The following GIMAP8 variants were observed in gnomAD, a reference collection of about 807,000 sequenced individuals.
GIMAP8 encodes GTPase IMAP family member 8.
In GIMAP8, 29 loss-of-function variants were observed where a neutral mutation model predicts 35.6. That is an observed-to-expected ratio of 0.81 (90% CI 0.61 to 1.11). GIMAP8 has a LOEUF of 1.11. Among genes scored for constraint, GIMAP8 ranks in the 50% most tolerant of loss-of-function variants. The pLI, the probability that GIMAP8 is intolerant of heterozygous loss-of-function variation, is 0.00. For missense variants in GIMAP8, 811 were observed against 805.0 expected (o/e 1.01, Z -0.09); for synonymous variants, 335 against 308.7 (o/e 1.09, Z -0.89).
At position 150,466,675 on chromosome 7, in the gene GIMAP8, A is replaced by G; in HGVS notation, c.-24A>G. ...TGTTGTTTTCTGTCCCAACAGAACA[A>G]GCGGGAGCCTGTGTCAGGAAAGCAT... On this transcript the variant is annotated 5_prime_UTR_variant, in exon 2 of 5. Coordinates refer to ENST00000307271, the MANE Select transcript of GIMAP8 (RefSeq NM_175571.4). 1 of 1,609,860 alleles carries G rather than the reference A, an allele frequency of 6.2e-7. No homozygotes were observed. Among genetic ancestry groups the G allele is most frequent in the Non-Finnish European group, 8.5e-7 (1 of 1,177,856 alleles).
chr7:150,452,750 C>T (rs1204716501), intron 1 of GIMAP8, among the ~76,000 whole-genome samples: 2 of 139,386 alleles, frequency 1.4e-5, no homozygotes, highest in African/African-American at 5.4e-5. Flanking sequence ...CCATGCCTGG[C>T]TAATTTTTGT....
intron 1 of GIMAP8, among the ~76,000 whole-genome samples, chr7:150,459,545 A>G (rs967913151): frequency 1.3e-5 from 2 of 152,134 alleles, no homozygotes; most frequent in African/African-American, 4.8e-5. Flanking sequence ...TATGGGAGAA[A>G]CAGCATCATA....
chr7:150,455,030 C>G (rs768775241), intron 1 of GIMAP8, among the ~76,000 whole-genome samples: 3 of 151,152 alleles, frequency 2.0e-5, no homozygotes, highest in African/African-American at 7.3e-5. Flanking sequence ...CCCAGCTACT[C>G]GGGAGGCTGA....
chr7:150,454,415 C>G (rs1370545565), intron 1 of GIMAP8, among the ~76,000 whole-genome samples: 2 of 152,150 alleles, frequency 1.3e-5, no homozygotes, highest in African/African-American at 4.8e-5. Flanking sequence ...CAAAGAGGAG[C>G]TGATGACCAG....
At chr7:150,454,532 C>T (rs1280945754) in intron 1 of GIMAP8, among the ~76,000 whole-genome samples, 1 of 152,046 alleles carries the variant, frequency 6.6e-6, no homozygotes, top group African/African-American at 2.4e-5. Flanking sequence ...GGATGGGGTG[C>T]AGGCAAGGGT....
At chr7:150,457,033 G>C (rs558792833) in intron 1 of GIMAP8, among the ~76,000 whole-genome samples, 4 of 152,372 alleles carry the variant, frequency 2.6e-5, no homozygotes, top group Non-Finnish European at 4.4e-5. Flanking sequence ...AGAGTGCAGA[G>C]TGGGATCAGG....
rs1159312232 is a variant in GIMAP8, at chr7:150,477,875, T to A, written c.*95T>A. ...ACAACCTGTGGGAAGGGAAGCGGGT[T>A]CATGGCTTTGAGGGCCTGAGAGGCA... is the stretch of plus-strand genomic sequence containing the variant. On this transcript the variant is annotated 3_prime_UTR_variant, in exon 5 of 5. Transcript: ENST00000307271. 4.0e-6 allele frequency: 4 copies of A among 999,258 alleles called. No homozygotes were observed. Among genetic ancestry groups the A allele is most frequent in the Non-Finnish European group, 5.9e-6 (4 of 678,844 alleles). 61.9% of individuals were successfully genotyped at this position (999,258 alleles called of 1,614,324 possible). A position where few individuals can be genotyped will look rare whatever the true frequency, so the allele number is the denominator to read the frequency against.
chr7:150,468,908 T>G (rs944935111), intron 2 of GIMAP8, among the ~76,000 whole-genome samples: 1 of 152,194 alleles, frequency 6.6e-6, no homozygotes, highest in Non-Finnish European at 1.5e-5. Context: ...CTGAAGACAC[T>G]TGCTCTCTTA....
At chr7:150,462,839 T>C (rs905735395) in intron 1 of GIMAP8, among the ~76,000 whole-genome samples, 2 of 152,248 alleles carry the variant, frequency 1.3e-5, no homozygotes, top group African/African-American at 2.4e-5. Flanking sequence ...GGATTGAATC[T>C]ATTTGAGAAT....
At position 150,467,460 on chromosome 7, in the gene GIMAP8, T is replaced by C. The variant is rs1016493894; in HGVS notation, c.636+126T>C. On this transcript the variant is annotated intron_variant, in intron 2 of 4. Transcript: ENST00000307271. Reference sequence around the variant, plus strand: ...TGGGTTTTGTTTAATAAGATATTTATATATAATTTGCAGGAATAAGAGGTA... The same window carrying C: ...TGGGTTTTGTTTAATAAGATATTTACATATAATTTGCAGGAATAAGAGGTA... 1.0e-5 allele frequency: 8 copies of C among 765,294 alleles called. No homozygotes were observed. The African/African-American group carries it at 1.4e-4, about 14-fold the overall frequency. The allele number at this position is 765,294 out of a possible 1,614,324, so 47.4% of individuals were successfully genotyped here. A position where few individuals can be genotyped will look rare whatever the true frequency, so the allele number is the denominator to read the frequency against.
Position 150,467,188 on chromosome 7 carries a change from C to T in GIMAP8, c.490C>T (p.Arg164Ter), listed in dbSNP as rs760973666. Residue 164 changes from arginine (R) to a stop codon, truncating the protein, a stop_gained, in exon 2 of 5, where the codon CGA becomes TGA. Transcript: ENST00000307271. LOFTEE classifies it high-confidence loss of function. ...GCAGTTGGTTCAAGACTATGAGGGC[C>T]GATACTGCATTTTCAACAACAAGAC... ...LKQLVQDYEG[R>*]YCIFNNKTNS... The T allele has an allele frequency of 2.7e-5, 43 of 1,613,964 alleles. 1 individual carries two copies. Among genetic ancestry groups the T allele is most frequent in the Middle Eastern group, 3.3e-4 (2 of 6,084 alleles).
rs1486007664 is a variant in GIMAP8, at chr7:150,474,627, T to C, written c.1298T>C (p.Phe433Ser). The C allele has an allele frequency of 1.3e-6, 2 of 1,582,490 alleles. No individual in the cohort carries two copies. The highest frequency in any genetic ancestry group is 1.7e-6 in the Non-Finnish European group (2 of 1,168,620). ...CAGAATGGGAACAAGCATTGTGTTT[T>C]CAGAGAAAAAGGTAAAACTGTGAAT... ...VHQNGNKHCV[F>S]REKETLNIVL... Residue 433 changes from phenylalanine to serine, a missense_variant, in exon 4 of 5, where the codon TTC becomes TCC. Physicochemically the swap from Phe to Ser is radical, Grantham distance 155 (BLOSUM62 -2). Coordinates refer to ENST00000307271, the MANE Select transcript of GIMAP8 (RefSeq NM_175571.4).
Position 150,478,331 on chromosome 7 carries a change from C to T in GIMAP8, c.*551C>T, listed in dbSNP as rs1233269174. On this transcript the variant is annotated 3_prime_UTR_variant, in exon 5 of 5. Transcript: ENST00000307271. The stretch of plus-strand genomic sequence containing the variant: ...TAGGGCTAGAGTGTTCTTTTCTTCA[C>T]ACGTTAGCCATTCCTTACGGCTCTT... The T allele has an allele frequency of 6.5e-6, 1 of 154,498 alleles. No homozygotes were observed. The highest frequency in any genetic ancestry group is 1.4e-5 in the Non-Finnish European group (1 of 69,590). 9.6% of individuals were successfully genotyped at this position (154,498 alleles called of 1,614,324 possible).
chr7:150,463,137 T>C (rs1801875288), intron 1 of GIMAP8, among the ~76,000 whole-genome samples: 1 of 152,048 alleles, frequency 6.6e-6, no homozygotes, highest in Non-Finnish European at 1.5e-5. Flanking sequence ...CTTGGTTATA[T>C]TTTTTTATTT....
intron 1 of GIMAP8, among the ~76,000 whole-genome samples, chr7:150,463,375 T>C (rs113750383): frequency 1.1e-3 from 162 of 152,336 alleles, no homozygotes; most frequent in African/African-American, 3.5e-3. Flanking sequence ...TACTAGAGAA[T>C]TATTGAGTTC....
At position 150,466,775 on chromosome 7, in the gene GIMAP8, C is replaced by T. The variant is rs751981283; in HGVS notation, c.77C>T (p.Thr26Ile). The change falls in exon 2 of 5, where the codon ACA becomes ATA. Residue 26 changes from threonine (T) to isoleucine (I), a missense_variant. Coordinates refer to ENST00000307271, the MANE Select transcript of GIMAP8 (RefSeq NM_175571.4). ...LGKCRSGKSA[T>I]GNAILGKHVF... ...AAATGCCGCTCGGGAAAAAGTGCCA[C>T]AGGAAATGCCATTCTGGGCAAACAT... The T allele has an allele frequency of 6.2e-7, 1 of 1,614,228 alleles. No individual in the cohort carries two copies. Among genetic ancestry groups the T allele is most frequent in the East Asian group, 2.2e-5 (1 of 44,888 alleles).
chr7:150,466,187 C>A (rs1801952810), intron 1 of GIMAP8, among the ~76,000 whole-genome samples: 1 of 152,188 alleles, frequency 6.6e-6, no homozygotes, highest in South Asian at 2.1e-4. Context: ...CTAGACATTT[C>A]ATTGCATTTT....
chr7:150,467,411 A>T, intron 2 of GIMAP8, 77 bp downstream of exon 2: 1 of 1,134,240 alleles, frequency 8.8e-7, no homozygotes, highest in Non-Finnish European at 1.3e-6. Context: ...AAATAAATGA[A>T]ATATTGCATT....
At position 150,474,638 on chromosome 7, in the gene GIMAP8, G is replaced by T. The variant is rs751039944; in HGVS notation, c.1309G>T (p.Glu437Ter). 1 of 1,570,804 alleles carries T rather than the reference G, an allele frequency of 6.4e-7. No individual in the cohort carries two copies. The highest frequency in any genetic ancestry group is 8.6e-7 in the Non-Finnish European group (1 of 1,161,544). ...GNKHCVFREK[E>*]TLNIVLVGRS... is the part of the protein sequence containing the mutation. ...CAAGCATTGTGTTTTCAGAGAAAAA[G>T]GTAAAACTGTGAATAGGATATATAT... The change falls in exon 4 of 5, where the codon GAA becomes TAA. Residue 437 changes from glutamate to a stop codon, truncating the protein, a stop_gained and splice_region_variant. Transcript: ENST00000307271. LOFTEE classifies it low-confidence loss of function (END_TRUNC).
Sources: allele counts gnomAD v4.1 joint callset (sites outside exome capture counted in the v4.1 genomes callset), GRCh38; gene constraint gnomAD v4.1.1; transcripts MANE v1.5; gene names NCBI Gene and HGNC (gene_info 2026-07-23, HGNC 2026-07-21).